The following INTU variants were observed in gnomAD, a reference collection of about 807,000 sequenced individuals.
INTU encodes the protein protein inturned.
Under a neutral mutation model 100.5 loss-of-function variants are expected in INTU, and 68 were observed. That is an observed-to-expected ratio of 0.68 (90% CI 0.56 to 0.83). INTU has a LOEUF of 0.83. Ranked by LOEUF, INTU falls within the 40% of genes least tolerant of loss-of-function variation. The pLI is 0.00. For missense variants in INTU, 1,071 were observed against 1,114.7 expected, an observed-to-expected ratio of 0.96 and a Z score of 0.56; for synonymous variants, 357 against 395.7, an observed-to-expected ratio of 0.90 and a Z score of 1.16.
rs199825572 is a variant in INTU, at chr4:127,663,494, G to A, written c.882G>A (p.Glu294=). ...SDLVKLLWGE[E]VEGIQQSGLN... ...TAGTCAAGCTTCTCTGGGGAGAAGAGGTTGAAGGTATCCAGCAGAGTGGCC... is the reference window on the plus strand; with the variant it reads ...TAGTCAAGCTTCTCTGGGGAGAAGAAGTTGAAGGTATCCAGCAGAGTGGCC... Residue 294 remains glutamate (E), a synonymous_variant, in exon 4 of 16, where the codon GAG becomes GAA. Coordinates refer to ENST00000335251, the MANE Select transcript of INTU (RefSeq NM_015693.4). 7 of 1,613,410 alleles carry A rather than the reference G, an allele frequency of 4.3e-6. No homozygotes were observed. The highest frequency in any genetic ancestry group is 5.9e-6 in the Non-Finnish European group (7 of 1,179,486).
In INTU at chr4:127,720,677, T is replaced by C. The variant is rs1192822091; in HGVS notation, c.*4241T>C. On this transcript the variant is annotated 3_prime_UTR_variant, in exon 16 of 16. Coordinates refer to ENST00000335251, the MANE Select transcript of INTU (RefSeq NM_015693.4). ...TGAGTGCTCCTATATTAGGTGCATA[T>C]ATATTTAGGATAGTTAGCTCTTCTT... The C allele has an allele frequency of 6.6e-6, 1 of 152,244 alleles. No homozygotes were observed. Among genetic ancestry groups the C allele is most frequent in the Non-Finnish European group, 1.5e-5 (1 of 68,044 alleles). The allele number at this position is 152,244 out of a possible 1,614,324, so 9.4% of individuals were successfully genotyped here.
intron 3 of INTU, among the ~76,000 whole-genome samples, chr4:127,659,655 C>A (rs1275005458): frequency 1.3e-5 from 2 of 152,316 alleles, no homozygotes; most frequent in East Asian, 3.9e-4. Flanking sequence ...ATCGTCTCTT[C>A]CCGTCTTTAT....
chr4:127,639,411 G>A (rs1469906467), intron 1 of INTU, among the ~76,000 whole-genome samples: 1 of 152,086 alleles, frequency 6.6e-6, no homozygotes, highest in South Asian at 2.1e-4. Context: ...AAGGGGAGGA[G>A]GGATTAAACT....
intron 9 of INTU, among the ~76,000 whole-genome samples, chr4:127,703,120 G>A (rs1730721124): frequency 6.6e-6 from 1 of 152,096 alleles, no homozygotes; most frequent in Admixed American, 6.5e-5. Context: ...CTTTAACTTA[G>A]CATAAATGGA....
In INTU at chr4:127,643,952, A is replaced by G. The variant is rs768982276; in HGVS notation, c.578A>G (p.Lys193Arg). 2.3e-5 allele frequency: 37 copies of G among 1,614,046 alleles called. No homozygotes were observed. The highest frequency in any genetic ancestry group is 3.1e-5 in the Non-Finnish European group (36 of 1,180,028). Residue 193 changes from lysine (K) to arginine (R), a missense_variant, in exon 2 of 16, where the codon AAG (lysine) becomes AGG (arginine). Coordinates refer to ENST00000335251, the MANE Select transcript of INTU (RefSeq NM_015693.4). Reference protein sequence around the residue: ...EVLVGIIHQTKWSWRRTGKQG... With the variant: ...EVLVGIIHQTRWSWRRTGKQG... ...CTGGTTGGAATTATTCATCAGACCAAGTGGAGCTGGAGAAGAACCGGAAAG... is the reference window on the plus strand; with the variant it reads ...CTGGTTGGAATTATTCATCAGACCAGGTGGAGCTGGAGAAGAACCGGAAAG...
rs1731410232 is a variant in INTU at position 127,725,899 on chromosome 4, T to C, written c.*9463T>C. The C allele has an allele frequency of 6.6e-6, 1 of 152,164 alleles. No homozygotes were observed. The highest frequency in any genetic ancestry group is 1.5e-5 in the Non-Finnish European group (1 of 68,028). The allele number at this position is 152,164 out of a possible 1,614,324, so 9.4% of individuals were successfully genotyped here. ...CACATCTGAAACATCAAACTGATTA[T>C]CAGACAATAAAGTGCCTGTTACTTT... On this transcript the variant is annotated 3_prime_UTR_variant, in exon 16 of 16. Coordinates refer to ENST00000335251, the MANE Select transcript of INTU (RefSeq NM_015693.4).
chr4:127,663,524 C>A lies in INTU; in HGVS notation c.912C>A (p.Asn304Lys), dbSNP rs1728566138. 4 of 1,613,410 alleles carry A rather than the reference C, an allele frequency of 2.5e-6. No homozygotes were observed. Among genetic ancestry groups the A allele is most frequent in the Non-Finnish European group, 3.4e-6 (4 of 1,179,600 alleles). Residue 304 changes from asparagine to lysine, a missense_variant, in exon 4 of 16, where the codon AAC (asparagine) becomes AAA (lysine). Physicochemically the swap from Asn to Lys is moderately conservative, Grantham distance 94. Coordinates refer to ENST00000335251, the MANE Select transcript of INTU (RefSeq NM_015693.4). ...EVEGIQQSGL[N>K]TPHIIMYLTL... ...AAGGTATCCAGCAGAGTGGCCTAAA[C>A]ACTCCTCATATCATTATGTATCTCA...
At chr4:127,650,016 A>G (rs1727766688) in intron 2 of INTU, among the ~76,000 whole-genome samples, 1 of 152,218 alleles carries the variant, frequency 6.6e-6, no homozygotes, top group Non-Finnish European at 1.5e-5. Context: ...TTTGGAAAAC[A>G]TACACATTTC....
intron 6 of INTU, chr4:127,675,884 T>G: frequency 3.3e-6 from 1 of 303,060 alleles, no homozygotes; most frequent in South Asian, 2.7e-5. Context: ...TATTTCTAAT[T>G]TCCACCATTC....
chr4:127,648,366 A>C (rs912681134), intron 2 of INTU, among the ~76,000 whole-genome samples: 2 of 152,208 alleles, frequency 1.3e-5, no homozygotes, highest in African/African-American at 4.8e-5. Flanking sequence ...TATTTCATAG[A>C]ATGGGAAAAT....
At chr4:127,666,900 C>T (rs1307893305) in intron 4 of INTU, among the ~76,000 whole-genome samples, 4 of 152,188 alleles carry the variant, frequency 2.6e-5, no homozygotes, top group Non-Finnish European at 2.9e-5. Flanking sequence ...GATGCATTTC[C>T]TTGTGTTGCT....
intron 6 of INTU, among the ~76,000 whole-genome samples, chr4:127,677,014 G>C (rs1729236273): frequency 6.6e-6 from 1 of 151,808 alleles, no homozygotes; most frequent in Non-Finnish European, 1.5e-5. Context: ...AGCAGTCTGA[G>C]ATCAAACTGC....
Position 127,687,779 on chromosome 4 carries a change from C to T in INTU, c.1361C>T (p.Pro454Leu), listed in dbSNP as rs915889283. 2 of 1,613,422 alleles carry T rather than the reference C, an allele frequency of 1.2e-6. No homozygotes were observed. Among genetic ancestry groups the T allele is most frequent in the Admixed American group, 3.3e-5 (2 of 59,906 alleles). Residue 454 changes from proline to leucine, a missense_variant, in exon 8 of 16, where the codon CCC (proline) becomes CTC (leucine). Transcript: ENST00000335251. ...GCGAAACTGCATTCCAGCGCCAGTC[C>T]CAGTGCTCAGCAGTACGATGCTTCC... is the stretch of plus-strand genomic sequence containing the variant. ...QPAKLHSSASPSAQQYDASSA... is the reference protein window; with the variant it reads ...QPAKLHSSASLSAQQYDASSA...
chr4:127,644,076 A>G lies in INTU; in HGVS notation c.682+20A>G. The G allele has an allele frequency of 6.3e-7, 1 of 1,594,182 alleles. No individual in the cohort carries two copies. Among genetic ancestry groups the G allele is most frequent in the African/African-American group, 1.3e-5 (1 of 74,226 alleles). Reference sequence around the variant, plus strand: ...TCATTGGTAAGTGTTGCTGGTACACATCCATCCCTGTTTACAGAGATCTTG... The same window carrying G: ...TCATTGGTAAGTGTTGCTGGTACACGTCCATCCCTGTTTACAGAGATCTTG... On this transcript the variant is annotated intron_variant, in intron 2 of 15. Coordinates refer to ENST00000335251, the MANE Select transcript of INTU (RefSeq NM_015693.4).
intron 14 of INTU, among the ~76,000 whole-genome samples, chr4:127,713,722 C>A (rs1731168472): frequency 1.3e-5 from 2 of 152,050 alleles, no homozygotes; most frequent in Non-Finnish European, 2.9e-5. Context: ...ACAAAGTGTT[C>A]CCTAGAAAAG....
rs113383413 is a variant in INTU at position 127,691,960 on chromosome 4, A to G, written c.1449+4093A>G. On this transcript the variant is annotated intron_variant, in intron 8 of 15. Transcript: ENST00000335251. ...ATGGCGGAGTATAGTGTTCCATGGT[A>G]TGTATATATATATATATATATGTCA... Among the ~76,000 whole-genome samples the G allele has an allele frequency of 4.5e-5, 5 of 110,698 alleles. 1 individual carries two copies. Among genetic ancestry groups the G allele is most frequent in the South Asian group, 3.2e-4 (1 of 3,134 alleles). 72.6% of individuals were successfully genotyped at this position (110,698 alleles called of 152,430 possible). A position where few individuals can be genotyped will look rare whatever the true frequency, so the allele number is the denominator to read the frequency against.
At position 127,711,597 on chromosome 4, in the gene INTU, G is replaced by C. The variant is rs374408630; in HGVS notation, c.2559+495G>C. ...GGCTGCACAGCAGGAGGTGAGTGGCGGGCCAGGGAGCCTTACTGCCTGAGC... is the reference window on the plus strand; with the variant it reads ...GGCTGCACAGCAGGAGGTGAGTGGCCGGCCAGGGAGCCTTACTGCCTGAGC... On this transcript the variant is annotated intron_variant, in intron 14 of 15. Transcript: ENST00000335251. Among the ~76,000 whole-genome samples, 24 of 152,256 alleles carry C rather than the reference G, an allele frequency of 1.6e-4. No individual in the cohort carries two copies. The South Asian group carries it at 4.6e-3, about 29-fold the overall frequency.
At position 127,726,545 on chromosome 4, in the gene INTU, A is replaced by G. The variant is rs975693965; in HGVS notation, c.*10109A>G. ...GAAAAGCTGAGAAAAATCATTTATC[A>G]ATAAACAGTTTTCAGAACAAGAATT... On this transcript the variant is annotated 3_prime_UTR_variant, in exon 16 of 16. Transcript: ENST00000335251. 5.9e-5 allele frequency: 9 copies of G among 152,238 alleles called. No individual in the cohort carries two copies. Among genetic ancestry groups the G allele is most frequent in the African/African-American group, 1.9e-4 (8 of 41,462 alleles). 9.4% of individuals were successfully genotyped at this position (152,238 alleles called of 1,614,324 possible).
At chr4:127,696,524 G>A (rs1263419623) in intron 8 of INTU, among the ~76,000 whole-genome samples, 2 of 148,632 alleles carry the variant, frequency 1.3e-5, no homozygotes, top group Non-Finnish European at 3.0e-5. Context: ...CTGTACTAAT[G>A]CCCCCCCCCT....
Sources: gnomAD v4.1 joint callset for allele counts (sites outside exome capture counted in the v4.1 genomes callset) on GRCh38, gnomAD v4.1.1 for gene constraint, MANE v1.5 for transcripts, NCBI Gene and HGNC (gene_info 2026-07-23, HGNC 2026-07-21) for gene names.